RAP1A: variants seen among roughly 807,000 people sequenced by gnomAD.
RAP1A encodes the protein RAP1A, member of RAS oncogene family.
RAP1A carries 6 observed loss-of-function variants against 26.4 expected under a neutral mutation model. The observed-to-expected ratio is 0.23, with a 90% CI of 0.12 to 0.45. The LOEUF is 0.45. Ranked by LOEUF, RAP1A falls within the 20% of genes least tolerant of loss-of-function variation. The probability of loss-of-function intolerance (pLI) is 0.99; values close to 1 mark genes in which losing one functional copy is unlikely to be tolerated. For synonymous variants in RAP1A, 73 were observed against 79.4 expected, an observed-to-expected ratio of 0.92 and a Z score of 0.43; for missense variants, 121 against 217.2, an observed-to-expected ratio of 0.56 and a Z score of 2.78.
chr1:111,675,186 A>T (rs1002210954), intron 1 of RAP1A, among the ~76,000 whole-genome samples: 2 of 152,132 alleles, frequency 1.3e-5, no homozygotes, highest in Non-Finnish European at 2.9e-5. Context: ...GTCAAAATTT[A>T]AAAAACTGTC....
At chr1:111,607,506 C>G (rs1255605793) in intron 1 of RAP1A, among the ~76,000 whole-genome samples, 1 of 152,196 alleles carries the variant, frequency 6.6e-6, no homozygotes, top group Admixed American at 6.5e-5. Flanking sequence ...CATCATGGCC[C>G]GTTCTCAATG....
chr1:111,622,963 A>G (rs996592887), intron 1 of RAP1A, among the ~76,000 whole-genome samples: 13 of 152,264 alleles, frequency 8.5e-5, no homozygotes, highest in Middle Eastern at 3.4e-3. Flanking sequence ...TAGGGATTAG[A>G]CATCCAGATT....
chr1:111,688,243 C>G (rs1413213764), intron 1 of RAP1A, among the ~76,000 whole-genome samples: 1 of 146,638 alleles, frequency 6.8e-6, no homozygotes, highest in Non-Finnish European at 1.5e-5. Flanking sequence ...ATTTTCTTGT[C>G]TTGCATAGCT....
intron 1 of RAP1A, among the ~76,000 whole-genome samples, chr1:111,613,087 T>C (rs1658952087): frequency 6.6e-6 from 1 of 151,978 alleles, no homozygotes; most frequent in South Asian, 2.1e-4. Context: ...ACTTAATTAC[T>C]GCATAACAAT....
chr1:111,704,325 GT>G lies in RAP1A; in HGVS notation c.325-11del, dbSNP rs745880795. 2.5e-4 allele frequency: 395 copies of G among 1,610,660 alleles called. 1 individual carries two copies. Among genetic ancestry groups the G allele is most frequent in the Non-Finnish European group, 2.3e-4 (271 of 1,178,210 alleles). On this transcript the variant is annotated splice_polypyrimidine_tract_variant and intron_variant, in intron 5 of 7. Coordinates refer to ENST00000369709, the MANE Select transcript of RAP1A (RefSeq NM_002884.4). The stretch of plus-strand genomic sequence containing the variant: ...ATGAGTATGTTATTGTTCATTTTAC[GT>G]TTTTTTCTTCCCACAGGTTCCAATG...
chr1:111,614,791 C>T (rs553838152), upstream of RAP1A, among the ~76,000 whole-genome samples: 2 of 152,220 alleles, frequency 1.3e-5, no homozygotes, highest in African/African-American at 4.8e-5. Context: ...TGAAGAGTAC[C>T]TTATTTTATA....
chr1:111,657,943 C>T (rs1660515164), intron 1 of RAP1A, among the ~76,000 whole-genome samples: 1 of 151,990 alleles, frequency 6.6e-6, no homozygotes, highest in Non-Finnish European at 1.5e-5. Flanking sequence ...CTTTCTGTTA[C>T]TGGTTTCTAA....
chr1:111,583,112 G>A (rs1658291317), intron 1 of RAP1A, among the ~76,000 whole-genome samples: 1 of 152,106 alleles, frequency 6.6e-6, no homozygotes, highest in African/African-American at 2.4e-5. Context: ...GAGGCTGACA[G>A]GCACAGATCA....
rs1051360280 is a variant in RAP1A at position 111,712,866 on chromosome 1, T to G, written c.*465T>G. On this transcript the variant is annotated 3_prime_UTR_variant, in exon 8 of 8. Coordinates refer to ENST00000369709, the MANE Select transcript of RAP1A (RefSeq NM_002884.4). ...AACTCATTGCAGCAGATAACTTTTT[T>G]GAGTCATTGACTTCATTTTATATTT... 4 of 152,468 alleles carry G rather than the reference T, an allele frequency of 2.6e-5. No homozygotes were observed. Among genetic ancestry groups the G allele is most frequent in the Admixed American group, 2.6e-4 (4 of 15,276 alleles). 9.4% of individuals were successfully genotyped at this position (152,468 alleles called of 1,614,324 possible).
chr1:111,588,065 TTGA>T lies in RAP1A; in HGVS notation c.-28+45561_-28+45563del, dbSNP rs1244235805. ...CGCCCAACTGAAACTTCTCTCTGCG[TTGA>T]TGATAACAGGTCTCAAACTCATCAT... is the stretch of plus-strand genomic sequence containing the variant. On this transcript the variant is annotated intron_variant, in intron 1 of 7. Transcript: ENST00000356415. Among the ~76,000 whole-genome samples the T allele has an allele frequency of 3.3e-5, 5 of 152,312 alleles. No homozygotes were observed. The East Asian group carries it at 7.7e-4, about 24-fold the overall frequency.
In RAP1A at chr1:111,713,152, A is replaced by G. The variant is rs867353427; in HGVS notation, c.*751A>G. The G allele has an allele frequency of 1.3e-5, 2 of 152,560 alleles. No homozygotes were observed. Among genetic ancestry groups the G allele is most frequent in the African/African-American group, 2.4e-5 (1 of 41,446 alleles). The allele number at this position is 152,560 out of a possible 1,614,324, so 9.5% of individuals were successfully genotyped here. ...GTTTTTGTTATTGTTTATAGATTAA[A>G]GCGTTTATTTTATAATGACCACATT... On this transcript the variant is annotated 3_prime_UTR_variant, in exon 8 of 8. Coordinates refer to ENST00000369709, the MANE Select transcript of RAP1A (RefSeq NM_002884.4).
chr1:111,703,499 A>G (rs1662087435), intron 5 of RAP1A, 23 bp downstream of exon 5: 2 of 1,548,646 alleles, frequency 1.3e-6, no homozygotes, highest in African/African-American at 1.4e-5. Context: ...TCTCTCTGTA[A>G]GATGTTATGC....
intron 1 of RAP1A, among the ~76,000 whole-genome samples, chr1:111,595,245 CT>C (rs202113776): frequency 0.012 from 1,774 of 152,292 alleles, 35 homozygotes; most frequent in African/African-American, 0.04. Flanking sequence ...TGTAGCAAAT[CT>C]TACCAATATC....
intron 1 of RAP1A, among the ~76,000 whole-genome samples, chr1:111,651,566 TC>T (rs1660271913): frequency 6.7e-6 from 1 of 148,484 alleles, no homozygotes; most frequent in Non-Finnish European, 1.5e-5. Context: ...CACCTCTGCC[TC>T]CCAGGTTCAA....
At chr1:111,650,046 A>G (rs1660212046) in intron 1 of RAP1A, among the ~76,000 whole-genome samples, 1 of 149,744 alleles carries the variant, frequency 6.7e-6, no homozygotes, top group Admixed American at 6.6e-5. Flanking sequence ...TTGATTTAGA[A>G]TTCTTCTAAC....
intron 1 of RAP1A, among the ~76,000 whole-genome samples, chr1:111,641,969 G>A (rs974023265): frequency 2.0e-5 from 3 of 152,162 alleles, no homozygotes; most frequent in Non-Finnish European, 4.4e-5. Context: ...AGTAGGCTGG[G>A]CACAGTGGCT....
At chr1:111,582,340 C>T (rs1046788829) in intron 1 of RAP1A, among the ~76,000 whole-genome samples, 1 of 152,200 alleles carries the variant, frequency 6.6e-6, no homozygotes, top group Non-Finnish European at 1.5e-5. Flanking sequence ...TTCTAGAAGT[C>T]AGCAGCTCTT....
intron 1 of RAP1A, chr1:111,648,484 G>A: frequency 1.8e-6 from 1 of 547,170 alleles, no homozygotes; most frequent in Non-Finnish European, 3.4e-6. Context: ...TATTCAGCAG[G>A]GCCTCGTACT....
At chr1:111,685,774 G>C (rs950743806) in intron 1 of RAP1A, among the ~76,000 whole-genome samples, 1 of 152,134 alleles carries the variant, frequency 6.6e-6, no homozygotes, top group African/African-American at 2.4e-5. Flanking sequence ...CCATTACTGG[G>C]TATATACCCA....
Sources: allele counts gnomAD v4.1 joint callset (sites outside exome capture counted in the v4.1 genomes callset), GRCh38; gene constraint gnomAD v4.1.1; transcripts MANE v1.5; gene names NCBI Gene and HGNC (gene_info 2026-07-23, HGNC 2026-07-21).